ATP2C2: variants seen among roughly 807,000 people sequenced by gnomAD.
ATP2C2 encodes the protein calcium-transporting ATPase type 2C member 2.
ATP2C2 carries 171 observed loss-of-function variants against 110.8 expected under a neutral mutation model. That is an observed-to-expected ratio of 1.54 (90% CI 1.36 to 1.75). ATP2C2 has a LOEUF of 1.75. Ranked by LOEUF, ATP2C2 falls within the 40% of genes most tolerant of loss-of-function variation. The probability of loss-of-function intolerance (pLI) is 0.00; values close to 1 mark genes in which losing one functional copy is unlikely to be tolerated. For missense variants in ATP2C2, 1,963 were observed against 1,235.0 expected (o/e 1.59, Z -8.84); for synonymous variants, 804 against 508.4 (o/e 1.58, Z -7.82).
In ATP2C2 at chr16:84,448,607, G is replaced by A. The variant is rs756199714; in HGVS notation, c.1578G>A (p.Gly526=). 8.7e-6 allele frequency: 14 copies of A among 1,613,976 alleles called. No homozygotes were observed. The highest frequency in any genetic ancestry group is 1.2e-5 in the Non-Finnish European group (14 of 1,179,998). The change falls in exon 17 of 27, where the codon GGG becomes GGA. Residue 526 remains glycine (G), a synonymous_variant. Coordinates refer to ENST00000262429, the MANE Select transcript of ATP2C2 (RefSeq NM_014861.4). ...GCTACTGCACCATGTACAACAACGG[G>A]GGCATCCCCCTGCCGCTGACGCCCC... ...VIRYCTMYNN[G]GIPLPLTPQQ... is the part of the protein sequence containing the mutation.
At chr16:84,401,498 G>A (rs1436129436) in intron 2 of ATP2C2, among the ~76,000 whole-genome samples, 1 of 151,722 alleles carries the variant, frequency 6.6e-6, no homozygotes, top group African/African-American at 2.4e-5. Flanking sequence ...ATTTTTATTT[G>A]ATTTTTATTG....
At chr16:84,452,651 A>G (rs576314171) in intron 18 of ATP2C2, among the ~76,000 whole-genome samples, 1 of 151,734 alleles carries the variant, frequency 6.6e-6, no homozygotes, top group African/African-American at 2.4e-5. Flanking sequence ...GGCACCCACC[A>G]CCGCGCCCAG....
At chr16:84,446,951 T>G (rs1909806056) in intron 16 of ATP2C2, among the ~76,000 whole-genome samples, 1 of 152,174 alleles carries the variant, frequency 6.6e-6, no homozygotes, top group Non-Finnish European at 1.5e-5. Flanking sequence ...GGAAGGCGTG[T>G]CTGTGTGGTG....
chr16:84,409,701 C>A lies in ATP2C2; in HGVS notation c.418-867C>A, dbSNP rs182826027. Among the ~76,000 whole-genome samples the A allele has an allele frequency of 1.4e-3, 220 of 152,174 alleles. 1 individual carries two copies. The highest frequency in any genetic ancestry group is 5.2e-3 in the African/African-American group (216 of 41,540). On this transcript the variant is annotated intron_variant, in intron 4 of 26. Transcript: ENST00000262429. Reference sequence around the variant, plus strand: ...TATTTTTAGTAGAGATGAGGTTTCCCTGTGTTGGCCAGGCTGATGTCGACC... The same window carrying A: ...TATTTTTAGTAGAGATGAGGTTTCCATGTGTTGGCCAGGCTGATGTCGACC...
rs1251436892 is a variant in ATP2C2 at position 84,463,853 on chromosome 16, T to C, written c.*121T>C. 1.1e-6 allele frequency: 1 copy of C among 898,286 alleles called. No homozygotes were observed. The highest frequency in any genetic ancestry group is 1.7e-6 in the Non-Finnish European group (1 of 574,138). 55.6% of individuals were successfully genotyped at this position (898,286 alleles called of 1,614,324 possible). On this transcript the variant is annotated 3_prime_UTR_variant, in exon 27 of 27. Transcript: ENST00000262429. ...CCGCAGCCTTCCATCACCGGATCAG[T>C]TTTTCCTCTTAGGAAAGCTGCAGGA...
chr16:84,434,827 C>A (rs191420932), intron 11 of ATP2C2, among the ~76,000 whole-genome samples: 1 of 152,176 alleles, frequency 6.6e-6, no homozygotes, highest in African/African-American at 2.4e-5. Flanking sequence ...CCATTCTAAT[C>A]TTTATTAGTC....
At chr16:84,433,842 C>T (rs190028996) in intron 11 of ATP2C2, among the ~76,000 whole-genome samples, 1 of 152,256 alleles carries the variant, frequency 6.6e-6, no homozygotes, top group African/African-American at 2.4e-5. Context: ...TACCCCAATT[C>T]TCTCCCCACC....
At position 84,462,146 on chromosome 16, in the gene ATP2C2, G is replaced by A; in HGVS notation, c.2722+17G>A. On this transcript the variant is annotated intron_variant, in intron 26 of 26. Transcript: ENST00000262429. ...GAGCGCTTGGTGAGTGGTGGGGACG[G>A]GAACGACAGGTGACCTCGACCAGGG... 1 of 1,607,164 alleles carries A rather than the reference G, an allele frequency of 6.2e-7. No homozygotes were observed. Among genetic ancestry groups the A allele is most frequent in the East Asian group, 2.2e-5 (1 of 44,708 alleles).
At chr16:84,395,582 C>T (rs943203067) in intron 1 of ATP2C2, among the ~76,000 whole-genome samples, 3 of 151,920 alleles carry the variant, frequency 2.0e-5, no homozygotes, top group African/African-American at 4.8e-5. Context: ...GACTCTGGCT[C>T]ATTGCAACCT....
At chr16:84,371,795 G>C (rs1218830538) in intron 1 of ATP2C2, among the ~76,000 whole-genome samples, 1 of 152,158 alleles carries the variant, frequency 6.6e-6, no homozygotes, top group Admixed American at 6.5e-5. Flanking sequence ...CGAATGTAGT[G>C]ACCACCCATC....
chr16:84,460,887 C>G (rs1404453667), intron 24 of ATP2C2, 86 bp downstream of exon 24: 5 of 1,485,162 alleles, frequency 3.4e-6, no homozygotes, highest in Non-Finnish European at 4.5e-6. Context: ...CCTGCCACAG[C>G]TCACATCTGG....
At chr16:84,373,666 G>A (rs1910090796) in intron 1 of ATP2C2, among the ~76,000 whole-genome samples, 1 of 152,210 alleles carries the variant, frequency 6.6e-6, no homozygotes, top group Non-Finnish European at 1.5e-5. Context: ...CTGGGAGGGA[G>A]TGATGGCTGG....
rs776921054 is a variant in ATP2C2, at chr16:84,459,267, C to T, written c.2217-3C>T. The T allele has an allele frequency of 1.3e-5, 21 of 1,614,082 alleles. No homozygotes were observed. The highest frequency in any genetic ancestry group is 1.7e-5 in the Non-Finnish European group (20 of 1,180,022). On this transcript the variant is annotated splice_polypyrimidine_tract_variant and splice_region_variant and intron_variant, in intron 22 of 26. Coordinates refer to ENST00000262429, the MANE Select transcript of ATP2C2 (RefSeq NM_014861.4). ...CCGCTGACTGGCTGCGTGTGCCCCG[C>T]AGGAGCATCTCCGCCCTGAGTCTCA...
chr16:84,458,672 A>T (rs1910932120), intron 21 of ATP2C2, among the ~76,000 whole-genome samples: 1 of 152,214 alleles, frequency 6.6e-6, no homozygotes. Context: ...TAAAGACAGA[A>T]GCAGGCGATG....
Position 84,454,828 on chromosome 16 carries a change from A to G in ATP2C2, c.1991A>G (p.Glu664Gly). The G allele has an allele frequency of 6.2e-7, 1 of 1,609,312 alleles. No homozygotes were observed. Among genetic ancestry groups the G allele is most frequent in the South Asian group, 1.1e-5 (1 of 90,572 alleles). Residue 664 changes from glutamate to glycine, a missense_variant, in exon 21 of 27, where the codon GAG becomes GGG. Glu to Gly is a moderately conservative substitution (Grantham distance 98). Coordinates refer to ENST00000262429, the MANE Select transcript of ATP2C2 (RefSeq NM_014861.4). ...HKLKIIKALQ[E>G]SGAIVAMTGD... ...CTGCTCTTTCCAAAGGCTCTGCAGGAGTCAGGGGCGATCGTGGCCATGACT... is the reference window on the plus strand; with the variant it reads ...CTGCTCTTTCCAAAGGCTCTGCAGGGGTCAGGGGCGATCGTGGCCATGACT...
chr16:84,408,192 G>T (rs557331133), intron 3 of ATP2C2, among the ~76,000 whole-genome samples: 7 of 152,318 alleles, frequency 4.6e-5, no homozygotes, highest in African/African-American at 1.7e-4. Context: ...CAGGGGGTCA[G>T]TACTGGGACC....
intron 18 of ATP2C2, 53 bp from the exon 19 acceptor site, chr16:84,453,085 A>C (rs750427920): frequency 1.3e-6 from 2 of 1,537,706 alleles, no homozygotes; most frequent in Non-Finnish European, 1.8e-6. Context: ...GCCGGGAGTG[A>C]GGGGTGGGGA....
At chr16:84,455,345 A>G (rs751222649) in intron 21 of ATP2C2, among the ~76,000 whole-genome samples, 6 of 152,158 alleles carry the variant, frequency 3.9e-5, no homozygotes, top group Non-Finnish European at 8.8e-5. Flanking sequence ...ACCTGTGGCC[A>G]AATACGTGCT....
chr16:84,430,761 C>G (rs916172503), intron 11 of ATP2C2, among the ~76,000 whole-genome samples: 2 of 152,060 alleles, frequency 1.3e-5, no homozygotes, highest in African/African-American at 4.8e-5. Flanking sequence ...CACCCTTACA[C>G]AGCCCATGGG....
Sources: gnomAD v4.1 joint callset for allele counts (sites outside exome capture counted in the v4.1 genomes callset) on GRCh38, gnomAD v4.1.1 for gene constraint, MANE v1.5 for transcripts, NCBI Gene and HGNC (gene_info 2026-07-23, HGNC 2026-07-21) for gene names.